The following SYNRG variants were observed in gnomAD, a reference collection of about 807,000 sequenced individuals.
The protein encoded by SYNRG is AP1 gamma subunit binding protein 1.
A neutral mutation model predicts 130.9 loss-of-function variants in SYNRG; 37 were observed. The observed-to-expected ratio is 0.28, with a 90% CI of 0.22 to 0.37. The LOEUF (loss-of-function observed/expected upper bound fraction) is 0.37, where lower values mean the gene tolerates loss of function less well. SYNRG is among the 10% of genes least tolerant of loss of function. SYNRG has a pLI of 1.00. For missense variants in SYNRG, 1,338 were observed against 1,588.9 expected (o/e 0.84, Z 2.68); for synonymous variants, 539 against 568.1 (o/e 0.95, Z 0.73).
At chr17:37,603,102 T>G (rs1277065545) in intron 1 of SYNRG, among the ~76,000 whole-genome samples, 1 of 152,166 alleles carries the variant, frequency 6.6e-6, no homozygotes, top group Non-Finnish European at 1.5e-5. Flanking sequence ...CTTCTTTCTC[T>G]GAGCCTGGAA....
intron 15 of SYNRG, 87 bp from the exon 16 acceptor site, chr17:37,540,630 CTTTTTTTTTT>C (rs767724523): frequency 1.6e-5 from 11 of 695,996 alleles, no homozygotes; most frequent in East Asian, 6.9e-5. Flanking sequence ...CAACCCTCTT[CTTTTTTTTTT>C]TTTTTTTTTT....
intron 6 of SYNRG, among the ~76,000 whole-genome samples, chr17:37,580,478 C>CATGTGTGT (rs1555780109): frequency 1.3e-4 from 16 of 122,006 alleles, no homozygotes; most frequent in African/African-American, 5.4e-4. Context: ...CTTTGTATTT[C>CATGTGTGT]GTGTGTGTGT....
chr17:37,561,655 A>C, intron 11 of SYNRG, 66 bp from the exon 12 acceptor site: 1 of 1,241,190 alleles, frequency 8.1e-7, no homozygotes, highest in East Asian at 2.4e-5. Context: ...AAAGGAAGTT[A>C]GAATTAAAAT....
chr17:37,529,173 T>C (rs890015158), intron 19 of SYNRG, among the ~76,000 whole-genome samples: 11 of 152,240 alleles, frequency 7.2e-5, no homozygotes, highest in Admixed American at 6.5e-4. Flanking sequence ...CCCAGCCCTT[T>C]TCTCCATTTA....
chr17:37,544,705 T>C (rs2058110865), intron 14 of SYNRG, among the ~76,000 whole-genome samples: 1 of 152,126 alleles, frequency 6.6e-6, no homozygotes, highest in African/African-American at 2.4e-5. Context: ...TTGTTTTCGT[T>C]TTTTTCCCCA....
intron 14 of SYNRG, among the ~76,000 whole-genome samples, chr17:37,550,697 CA>C (rs59108421): frequency 0.48 from 65,256 of 134,842 alleles, 14,938 homozygotes; most frequent in East Asian, 0.67. Flanking sequence ...GAAAAGCAGC[CA>C]AAAAAAAAAA....
At position 37,553,373 on chromosome 17, in the gene SYNRG, A is replaced by T; in HGVS notation, c.2350T>A (p.Phe784Ile). 6.2e-7 allele frequency: 1 copy of T among 1,614,130 alleles called. No homozygotes were observed. Among genetic ancestry groups the T allele is most frequent in the Non-Finnish European group, 8.5e-7 (1 of 1,180,012 alleles). ...DDFADFHSSK[F>I]SSINSDKSLG... is the part of the protein sequence containing the mutation. ...GATTTGTCCGAGTTTATGGAAGAAAATTTACTGGAGTGGAAGTCAGCAAAA... is the reference window on the plus strand; with the variant it reads ...GATTTGTCCGAGTTTATGGAAGAAATTTTACTGGAGTGGAAGTCAGCAAAA... The change falls in exon 14 of 22, where the codon TTT becomes ATT. Residue 784 changes from phenylalanine to isoleucine, a missense_variant. Around this residue, in one of 3 missense-constraint regions of SYNRG, gnomAD observed 1,146 missense variants for 1,342.3 expected, o/e 0.85. Transcript: ENST00000612223.
intron 13 of SYNRG, 73 bp from the exon 14 acceptor site, chr17:37,554,132 T>C: frequency 3.6e-6 from 5 of 1,378,646 alleles, no homozygotes; most frequent in Non-Finnish European, 3.0e-6. Flanking sequence ...TATATTAAAC[T>C]GCAAGCATAA....
chr17:37,580,448 C>T (rs894895984), intron 6 of SYNRG, among the ~76,000 whole-genome samples: 12 of 150,450 alleles, frequency 8.0e-5, no homozygotes, highest in Non-Finnish European at 1.5e-4. Context: ...TACAGGTATG[C>T]ACCGCCATGC....
At chr17:37,597,316 CA>C (rs1463120117) in intron 2 of SYNRG, among the ~76,000 whole-genome samples, 1 of 152,190 alleles carries the variant, frequency 6.6e-6, no homozygotes, top group East Asian at 1.9e-4. Context: ...CTGAACCACC[CA>C]GCAGAGCTAC....
chr17:37,556,428 G>A (rs1051510967), intron 13 of SYNRG, among the ~76,000 whole-genome samples: 20 of 150,772 alleles, frequency 1.3e-4, no homozygotes, highest in African/African-American at 4.9e-4. Context: ...TCCAGCCTGG[G>A]CAACAAGAGC....
At chr17:37,553,055 C>T (rs891503390) in intron 14 of SYNRG, 60 bp downstream of exon 14, 9 of 1,516,752 alleles carry the variant, frequency 5.9e-6, no homozygotes, top group South Asian at 2.4e-5. Flanking sequence ...AATCAACACC[C>T]GCAGAATCAT....
intron 14 of SYNRG, among the ~76,000 whole-genome samples, chr17:37,546,030 T>C (rs1464601354): frequency 1.3e-5 from 2 of 152,230 alleles, no homozygotes; most frequent in Non-Finnish European, 2.9e-5. Context: ...CATCAGTTCA[T>C]TGAAGGTAGC....
At chr17:37,562,414 C>T (rs2059604183) in intron 11 of SYNRG, among the ~76,000 whole-genome samples, 1 of 152,092 alleles carries the variant, frequency 6.6e-6, no homozygotes, top group African/African-American at 2.4e-5. Flanking sequence ...TCTTCTTCTT[C>T]TCTTATCAGA....
chr17:37,558,602 C>A (rs1272978753), intron 13 of SYNRG, among the ~76,000 whole-genome samples: 2 of 152,122 alleles, frequency 1.3e-5, no homozygotes, highest in African/African-American at 4.8e-5. Context: ...AGATGGTAAC[C>A]ACATGGGCAC....
chr17:37,608,314 A>G (rs756477183), intron 1 of SYNRG, among the ~76,000 whole-genome samples: 1 of 152,100 alleles, frequency 6.6e-6, no homozygotes, highest in Non-Finnish European at 1.5e-5. Flanking sequence ...AAAACCTAAC[A>G]CTTCGTTTTC....
chr17:37,561,652 G>A, intron 11 of SYNRG, 63 bp from the exon 12 acceptor site: 1 of 1,270,378 alleles, frequency 7.9e-7, no homozygotes, highest in Non-Finnish European at 1.1e-6. Context: ...CTAAAAGGAA[G>A]TTAGAATTAA....
At position 37,608,752 on chromosome 17, in the gene SYNRG, C is replaced by A. The variant is rs1177411819; in HGVS notation, c.77+527G>T. ...ATTCAGAGGTCTTTAGATGTTCCTG[C>A]TGTTTGTCGCGGGTTAAGGAAATAA... On this transcript the variant is annotated intron_variant, in intron 1 of 21. Transcript: ENST00000612223. Among the ~76,000 whole-genome samples the A allele has an allele frequency of 5.3e-5, 8 of 152,276 alleles. No homozygotes were observed. The East Asian group carries it at 1.2e-3, about 22-fold the overall frequency.
At chr17:37,539,368 GT>G (rs1268769536) in intron 16 of SYNRG, 123 bp from the exon 17 acceptor site, 41 of 1,052,732 alleles carry the variant, frequency 3.9e-5, no homozygotes, top group Non-Finnish European at 5.6e-5. Context: ...AGTTCAAGCA[GT>G]TTATGTTTTT....
Sources: allele counts gnomAD v4.1 joint callset (sites outside exome capture counted in the v4.1 genomes callset), GRCh38; gene constraint gnomAD v4.1.1; regional missense constraint gnomAD v4.1.1; transcripts MANE v1.5; gene names NCBI Gene and HGNC (gene_info 2026-07-23, HGNC 2026-07-21).